HHLA2: variants seen among roughly 807,000 people sequenced by gnomAD.
HHLA2 encodes the protein HERV-H LTR-associating protein 2.
A neutral mutation model predicts 45.9 loss-of-function variants in HHLA2; 48 were observed. That is an observed-to-expected ratio of 1.05 (90% CI 0.83 to 1.33). The LOEUF is 1.33. Ranked by LOEUF, HHLA2 falls within the 40% of genes most tolerant of loss-of-function variation. The pLI is 0.00. For synonymous variants in HHLA2, 161 were observed against 173.9 expected (o/e 0.93, Z 0.59); for missense variants, 462 against 494.3 (o/e 0.93, Z 0.62).
intron 6 of HHLA2, among the ~76,000 whole-genome samples, chr3:108,356,328 C>A (rs920043282): frequency 2.3e-4 from 35 of 152,134 alleles, no homozygotes; most frequent in African/African-American, 8.2e-4. Context: ...CCGTGCCCAG[C>A]CTGTTTTTCA....
intron 8 of HHLA2, among the ~76,000 whole-genome samples, chr3:108,369,399 G>A (rs960432154): frequency 1.8e-4 from 27 of 152,274 alleles, no homozygotes; most frequent in African/African-American, 3.6e-4. Flanking sequence ...CGCAGAAGAC[G>A]GGTGATTTCT....
rs150766306 is a variant in HHLA2 at position 108,325,134 on chromosome 3, C to G, written c.-104-3136C>G. The stretch of plus-strand genomic sequence containing the variant: ...TGTTTAAAATTTATATATTTAAAAT[C>G]TTATTATTGTCATTAGTCTCATTTA... On this transcript the variant is annotated intron_variant, in intron 2 of 10. Transcript: ENST00000619531. Among the ~76,000 whole-genome samples, 10 of 151,122 alleles carry G rather than the reference C, an allele frequency of 6.6e-5. No homozygotes were observed. In the East Asian group the frequency reaches 2.0e-3, roughly 31 times the overall value.
At chr3:108,329,893 T>C (rs1021885433) in intron 3 of HHLA2, among the ~76,000 whole-genome samples, 3 of 152,206 alleles carry the variant, frequency 2.0e-5, no homozygotes, top group African/African-American at 7.2e-5. Context: ...ATCATCTCAG[T>C]TTCTGAGGGA....
chr3:108,359,137 A>G lies in HHLA2; in HGVS notation c.1003+976A>G, dbSNP rs571839771. Among the ~76,000 whole-genome samples the G allele has an allele frequency of 3.9e-5, 6 of 152,230 alleles. No individual in the cohort carries two copies. The South Asian group carries it at 1.2e-3, about 32-fold the overall frequency. On this transcript the variant is annotated intron_variant, in intron 7 of 10. Coordinates refer to ENST00000619531, the Ensembl canonical transcript of HHLA2. ...TAAAATACAGTTAAGCCTGCAATCTATTTTTAAAAATGTTGCCTCATGTTG... is the reference window on the plus strand; with the variant it reads ...TAAAATACAGTTAAGCCTGCAATCTGTTTTTAAAAATGTTGCCTCATGTTG...
intron 2 of HHLA2, chr3:108,325,955 T>C (rs1268187182): frequency 2.1e-5 from 8 of 372,128 alleles, no homozygotes; most frequent in South Asian, 1.8e-4. Context: ...CACAGGATGG[T>C]ATTTCTGAAT....
intron 3 of HHLA2, among the ~76,000 whole-genome samples, chr3:108,348,133 G>C (rs1300106788): frequency 1.3e-5 from 2 of 151,920 alleles, no homozygotes; most frequent in Admixed American, 1.3e-4. Flanking sequence ...AGAATAGAGA[G>C]AAAGTAGAAA....
At chr3:108,358,152 G>A (rs1473525545) in exon 7 of HHLA2, 3 of 1,599,790 alleles carry the variant, frequency 1.9e-6, no homozygotes, top group Non-Finnish European at 2.6e-6. Flanking sequence ...CATCCACACA[G>A]TGCATGTAGG....
At chr3:108,365,538 C>T (rs1439561542) in intron 8 of HHLA2, among the ~76,000 whole-genome samples, 1 of 152,118 alleles carries the variant, frequency 6.6e-6, no homozygotes, top group Non-Finnish European at 1.5e-5. Context: ...TGAAGAAAGT[C>T]AATGGTAGCT....
At chr3:108,364,284 G>A (rs2082027374) in intron 8 of HHLA2, among the ~76,000 whole-genome samples, 1 of 152,050 alleles carries the variant, frequency 6.6e-6, no homozygotes, top group South Asian at 2.1e-4. Context: ...GAGAATGATG[G>A]TTTCCAGCTT....
In HHLA2 at chr3:108,330,291, AG is replaced by A. The variant is rs564326901; in HGVS notation, c.-27+1945del. ...GTCTGGATACCAGGAAGTGATAATC[AG>A]AGGCTGTGGTAGGACCACTGCAGGC... On this transcript the variant is annotated intron_variant, in intron 3 of 10. Coordinates refer to ENST00000619531, the Ensembl canonical transcript of HHLA2. Among the ~76,000 whole-genome samples the A allele has an allele frequency of 3.3e-5, 5 of 152,310 alleles. No individual in the cohort carries two copies. In the South Asian group the frequency reaches 1.0e-3, roughly 32 times the overall value.
At chr3:108,373,359 C>T (rs1003435887) in intron 8 of HHLA2, among the ~76,000 whole-genome samples, 2 of 152,122 alleles carry the variant, frequency 1.3e-5, no homozygotes, top group Admixed American at 6.5e-5. Context: ...TGTGACAAAC[C>T]CACAGCCAAT....
chr3:108,371,762 A>G (rs2082178108), intron 8 of HHLA2, among the ~76,000 whole-genome samples: 1 of 152,250 alleles, frequency 6.6e-6, no homozygotes, highest in Admixed American at 6.5e-5. Context: ...GATCAACTCA[A>G]CAAGAAGAGC....
intron 3 of HHLA2, among the ~76,000 whole-genome samples, chr3:108,339,682 T>C (rs561350584): frequency 6.6e-6 from 1 of 152,328 alleles, no homozygotes; most frequent in South Asian, 2.1e-4. Context: ...GATTTTTCTT[T>C]TAGCAGGTAA....
intron 10 of HHLA2, 31 bp downstream of exon 9, chr3:108,376,588 T>C: frequency 6.3e-7 from 1 of 1,587,296 alleles, no homozygotes; most frequent in Non-Finnish European, 8.6e-7. Context: ...TCAAACCATA[T>C]ACAGTATAAA....
intron 8 of HHLA2, 80 bp from the exon 8 acceptor site, chr3:108,375,670 G>C: frequency 6.5e-7 from 1 of 1,528,278 alleles, no homozygotes; most frequent in South Asian, 1.2e-5. Context: ...GAAGGACAGA[G>C]CCATACCAAG....
intron 2 of HHLA2, among the ~76,000 whole-genome samples, chr3:108,328,064 C>T (rs1366338579): frequency 4.0e-5 from 6 of 151,836 alleles, no homozygotes; most frequent in Admixed American, 2.6e-4. Flanking sequence ...ACCCGGGAGG[C>T]GGAGGCTGCA....
intron 3 of HHLA2, among the ~76,000 whole-genome samples, chr3:108,347,449 G>A (rs6764078): frequency 0.67 from 102,595 of 152,010 alleles, 35,610 homozygotes; most frequent in African/African-American, 0.77. Context: ...GCTGCTGTGG[G>A]AAAGGATTGG....
chr3:108,357,970 T>C (rs1305497864), exon 7 of HHLA2: 1 of 1,613,826 alleles, frequency 6.2e-7, no homozygotes, highest in South Asian at 1.1e-5. Context: ...TTCTCTGTCC[T>C]GGCTTACTAT....
intron 3 of HHLA2, among the ~76,000 whole-genome samples, chr3:108,342,025 C>G (rs554481933): frequency 3.3e-5 from 5 of 152,278 alleles, no homozygotes; most frequent in Admixed American, 1.3e-4. Flanking sequence ...GCCGGACATG[C>G]TCATCTCATT....
Sources: gnomAD v4.1 joint callset for allele counts (sites outside exome capture counted in the v4.1 genomes callset) on GRCh38, gnomAD v4.1.1 for gene constraint, MANE v1.5 for transcripts, NCBI Gene and HGNC (gene_info 2026-07-23, HGNC 2026-07-21) for gene names.